Variants in LPAR6 observed in about 807,000 individuals in gnomAD.
The protein encoded by LPAR6 is G-protein coupled purinergic receptor P2Y5.
In LPAR6, 17 loss-of-function variants were observed where a neutral mutation model predicts 22.0. The observed-to-expected ratio is 0.77, with a 90% confidence interval of 0.53 to 1.16. The LOEUF (loss-of-function observed/expected upper bound fraction) is 1.16, where lower values mean the gene tolerates loss of function less well. LPAR6 is among the 50% of genes most tolerant of loss of function. The pLI, the probability that LPAR6 is intolerant of heterozygous loss-of-function variation, is 0.00. For synonymous variants in LPAR6, 136 were observed against 139.8 expected (o/e 0.97, Z 0.19); for missense variants, 384 against 406.9 (o/e 0.94, Z 0.48).
chr13:48,389,648 T>C (rs406098), exon 2 of LPAR6: 118,995 of 152,100 alleles, frequency 0.78, 52,274 homozygotes, highest in Non-Finnish European at 0.97. Flanking sequence ...GGGTGGTTTG[T>C]CTCCGACTAT....
At chr13:48,420,138 A>G (rs1174278949) in intron 2 of LPAR6, among the ~76,000 whole-genome samples, 1 of 152,240 alleles carries the variant, frequency 6.6e-6, no homozygotes, top group African/African-American at 2.4e-5. Context: ...AAAACCCTCA[A>G]TAAAATACTG....
chr13:48,401,716 G>GT (rs1424484185), intron 1 of LPAR6, among the ~76,000 whole-genome samples: 2 of 152,142 alleles, frequency 1.3e-5, no homozygotes, highest in African/African-American at 2.4e-5. Flanking sequence ...GTGTCTTCCT[G>GT]TAAGTGCTAG....
intron 1 of LPAR6, among the ~76,000 whole-genome samples, chr13:48,441,016 C>A (rs929371360): frequency 6.6e-6 from 1 of 152,156 alleles, no homozygotes; most frequent in Non-Finnish European, 1.5e-5. Context: ...TGAAATTAAT[C>A]ATTAGATTTT....
intron 1 of LPAR6, among the ~76,000 whole-genome samples, chr13:48,423,405 C>G (rs1949035214): frequency 6.6e-6 from 1 of 152,096 alleles, no homozygotes; most frequent in African/African-American, 2.4e-5. Context: ...ATCAAGGAGT[C>G]ACCTTACACT....
chr13:48,443,376 G>T (rs189897875), intron 1 of LPAR6, among the ~76,000 whole-genome samples: 52 of 152,018 alleles, frequency 3.4e-4, no homozygotes, highest in African/African-American at 1.2e-3. Flanking sequence ...TTTTTAAAAA[G>T]AAGTTTAAAA....
At chr13:48,418,005 C>A (rs928835299), upstream of LPAR6, among the ~76,000 whole-genome samples, 2 of 152,214 alleles carry the variant, frequency 1.3e-5, no homozygotes, top group African/African-American at 4.8e-5. Context: ...GACAGGCCAA[C>A]ATTCCAATTC....
chr13:48,395,938 A>G (rs1287419477), intron 1 of LPAR6, among the ~76,000 whole-genome samples: 2 of 152,186 alleles, frequency 1.3e-5, no homozygotes, highest in African/African-American at 4.8e-5. Context: ...CGTCAGATTC[A>G]CCAAGGTTGA....
At chr13:48,416,854 A>G (rs1049192907), upstream of LPAR6, among the ~76,000 whole-genome samples, 1 of 152,072 alleles carries the variant, frequency 6.6e-6, no homozygotes, top group Non-Finnish European at 1.5e-5. Flanking sequence ...CTGTAGCCCA[A>G]CTGCTTCTCT....
chr13:48,415,124 T>G (rs886524685), upstream of LPAR6, among the ~76,000 whole-genome samples: 1 of 152,168 alleles, frequency 6.6e-6, no homozygotes, highest in Admixed American at 6.6e-5. Flanking sequence ...GATCTCATCC[T>G]ACTTTTACTT....
exon 2 of LPAR6, chr13:48,389,797 G>A (rs1319808456): frequency 2.0e-5 from 3 of 152,226 alleles, no homozygotes; most frequent in African/African-American, 7.2e-5. Context: ...AGAATGTTAA[G>A]CTTTGGAGTT....
rs201395083 is a variant in LPAR6, at chr13:48,412,092, C to G, written c.332G>C (p.Ser111Thr). The G allele has an allele frequency of 3.1e-4, 508 of 1,613,152 alleles. 2 individuals are homozygous for G. Among genetic ancestry groups the G allele is most frequent in the Non-Finnish European group, 1.4e-4 (166 of 1,179,546 alleles). Reference sequence around the variant, plus strand: ...GACAATTGCCAGAAATCGATCTACACTAATACAGGTTAAGAACAGAATGCT... The same window carrying G: ...GACAATTGCCAGAAATCGATCTACAGTAATACAGGTTAAGAACAGAATGCT... ...YGSILFLTCI[S>T]VDRFLAIVYP... The change falls in exon 1 of 1, where the codon AGT (serine) becomes ACT (threonine). Residue 111 changes from serine to threonine, a missense_variant. Physicochemically the swap from Ser to Thr is moderately conservative, Grantham distance 58. Coordinates refer to ENST00000620633, the MANE Select transcript of LPAR6 (RefSeq NM_001162498.3).
At chr13:48,426,301 G>C (rs1157526228) in intron 1 of LPAR6, among the ~76,000 whole-genome samples, 1 of 152,168 alleles carries the variant, frequency 6.6e-6, no homozygotes, top group African/African-American at 2.4e-5. Context: ...GGAAATCATG[G>C]AACAATAAGA....
intron 1 of LPAR6, among the ~76,000 whole-genome samples, chr13:48,390,216 A>G (rs1948600566): frequency 6.6e-6 from 1 of 152,216 alleles, no homozygotes; most frequent in Non-Finnish European, 1.5e-5. Context: ...TTCATTAAAT[A>G]ATTCATTCAT....
At chr13:48,394,857 A>G (rs150374341) in intron 1 of LPAR6, among the ~76,000 whole-genome samples, 1,567 of 152,342 alleles carry the variant, frequency 0.01, 24 homozygotes, top group African/African-American at 0.035. Flanking sequence ...CTGGCTCTGA[A>G]GAGAGCAGCA....
intron 1 of LPAR6, among the ~76,000 whole-genome samples, chr13:48,442,164 A>G (rs1044562236): frequency 2.0e-5 from 3 of 151,862 alleles, no homozygotes; most frequent in Non-Finnish European, 4.4e-5. Flanking sequence ...ACATTGTATT[A>G]GTTCCTTTTA....
intron 1 of LPAR6, among the ~76,000 whole-genome samples, chr13:48,392,782 G>A (rs528691519): frequency 5.6e-4 from 85 of 151,640 alleles, no homozygotes; most frequent in African/African-American, 8.5e-4. Context: ...TTTAAGAGTC[G>A]TATGTTTCTG....
chr13:48,408,515 T>A (rs1478509470), downstream of LPAR6: 3 of 152,230 alleles, frequency 2.0e-5, no homozygotes, highest in South Asian at 2.1e-4. Context: ...GGCTTAGTGC[T>A]ATCATTTTCA....
At chr13:48,435,073 C>A (rs544959944) in intron 1 of LPAR6, among the ~76,000 whole-genome samples, 1 of 152,200 alleles carries the variant, frequency 6.6e-6, no homozygotes, top group Admixed American at 6.5e-5. Flanking sequence ...GGGATAAATG[C>A]CTAATGAGTA....
chr13:48,405,762 A>G lies in LPAR6; in HGVS notation n.114+9938T>C, dbSNP rs116599308. Among the ~76,000 whole-genome samples the G allele has an allele frequency of 6.3e-3, 956 of 152,292 alleles. 11 individuals carry two copies. The highest frequency in any genetic ancestry group is 0.022 in the African/African-American group (909 of 41,556). On this transcript the variant is annotated intron_variant and non_coding_transcript_variant, in intron 1 of 1. Transcript: ENST00000462781. Reference sequence around the variant, plus strand: ...AATCTGAAAAATGTCATATTCTTTGATATTCCTTCTATCCCATTTCCAACC... The same window carrying G: ...AATCTGAAAAATGTCATATTCTTTGGTATTCCTTCTATCCCATTTCCAACC...
Sources: gnomAD v4.1 joint callset for allele counts (sites outside exome capture counted in the v4.1 genomes callset) on GRCh38, gnomAD v4.1.1 for gene constraint, MANE v1.5 for transcripts, NCBI Gene and HGNC (gene_info 2026-07-23, HGNC 2026-07-21) for gene names.